KAZN: variants seen among roughly 807,000 people sequenced by gnomAD.
The protein encoded by KAZN is kazrin, periplakin interacting protein.
In KAZN, 40 loss-of-function variants were observed where a neutral mutation model predicts 87.4. The ratio of observed to expected loss-of-function variants is 0.46; its 90% CI spans 0.36 to 0.60. The LOEUF (loss-of-function observed/expected upper bound fraction) is 0.60, where lower values mean the gene tolerates loss of function less well. KAZN is among the 20% of genes least tolerant of loss of function. The pLI is 0.00. For missense variants in KAZN, 898 were observed against 1,073.9 expected, an observed-to-expected ratio of 0.84 and a Z score of 2.29; for synonymous variants, 466 against 458.3, an observed-to-expected ratio of 1.02 and a Z score of -0.22.
intron 2 of KAZN, among the ~76,000 whole-genome samples, chr1:14,265,676 C>A (rs1044582205): frequency 6.6e-6 from 1 of 152,120 alleles, no homozygotes; most frequent in African/African-American, 2.4e-5. Context: ...ATTTCACATG[C>A]CCCCACAGCA....
chr1:14,209,823 A>T (rs767147417), intron 2 of KAZN, among the ~76,000 whole-genome samples: 5 of 152,156 alleles, frequency 3.3e-5, no homozygotes, highest in African/African-American at 4.8e-5. Flanking sequence ...TGTGTCCCCA[A>T]TGATGACAAT....
intron 1 of KAZN, among the ~76,000 whole-genome samples, chr1:14,722,017 T>C (rs1234566199): frequency 6.6e-6 from 1 of 151,994 alleles, no homozygotes; most frequent in Non-Finnish European, 1.5e-5. Flanking sequence ...TAGCCAGGCA[T>C]GGTGGTGCAT....
chr1:14,691,486 T>C (rs552640686), intron 1 of KAZN, among the ~76,000 whole-genome samples: 6 of 152,168 alleles, frequency 3.9e-5, no homozygotes, highest in Non-Finnish European at 5.9e-5. Context: ...TCTTCATCTT[T>C]TTTTGTTTGT....
chr1:14,220,685 A>G (rs1647077117), intron 2 of KAZN, among the ~76,000 whole-genome samples: 1 of 152,158 alleles, frequency 6.6e-6, no homozygotes. Context: ...GAATATTAGA[A>G]TTAATGCAGC....
intron 1 of KAZN, among the ~76,000 whole-genome samples, chr1:14,754,205 T>TGGGAGAAA (rs1557454947): frequency 6.6e-6 from 1 of 152,232 alleles, no homozygotes; most frequent in East Asian, 1.9e-4. Context: ...CTGGGCTTTC[T>TGGGAGAAA]GCCCAGGGTG....
rs868339081 is a variant in KAZN at position 14,386,683 on chromosome 1, G to A, written c.249+206091G>A. Among the ~76,000 whole-genome samples the A allele has an allele frequency of 2.9e-3, 440 of 152,204 alleles. 1 individual carries two copies. The highest frequency in any genetic ancestry group is 9.4e-3 in the African/African-American group (391 of 41,514). Reference sequence around the variant, plus strand: ...TTGTAGAGTTTCTGCCGAGATATCCGCTGTTAGTCTGATGGGCTTCCCTTT... The same window carrying A: ...TTGTAGAGTTTCTGCCGAGATATCCACTGTTAGTCTGATGGGCTTCCCTTT... On this transcript the variant is annotated intron_variant, in intron 2 of 16. Transcript: ENST00000636203.
At chr1:14,733,412 G>A (rs1024703551) in intron 1 of KAZN, among the ~76,000 whole-genome samples, 1 of 152,128 alleles carries the variant, frequency 6.6e-6, no homozygotes, top group Non-Finnish European at 1.5e-5. Context: ...GTGCAATATT[G>A]ATTTGCAAAT....
At position 15,056,230 on chromosome 1, in the gene KAZN, G is replaced by A; in HGVS notation, c.866G>A (p.Ser289Asn). The change falls in exon 5 of 15, where the codon AGT becomes AAT. Residue 289 changes from serine to asparagine, a missense_variant. Physicochemically the swap from Ser to Asn is conservative, Grantham distance 46. Around this residue, in one of 3 missense-constraint regions of KAZN, gnomAD observed 521 missense variants for 689.4 expected, o/e 0.76. Transcript: ENST00000376030. This position sits in a 1 kb window ranked among gnomAD's most constrained non-coding sequence, Gnocchi z 5.4. The stretch of plus-strand genomic sequence containing the variant: ...CCGCTGACCGCAGCCATCCGGCAGA[G>A]TCAACAGACTCTCTACCACTCACAC... ...DLPLTAAIRQ[S>N]QQTLYHSHPP... 1 of 1,614,010 alleles carries A rather than the reference G, an allele frequency of 6.2e-7. No individual in the cohort carries two copies. The highest frequency in any genetic ancestry group is 8.5e-7 in the Non-Finnish European group (1 of 1,179,930).
intron 2 of KAZN, among the ~76,000 whole-genome samples, chr1:14,361,763 A>T (rs367929004): frequency 6.6e-6 from 1 of 152,318 alleles, no homozygotes; most frequent in East Asian, 1.9e-4. Flanking sequence ...CCTCAGTTGG[A>T]AATGCAGAAA....
At chr1:14,022,684 T>G (rs1557788237) in intron 1 of KAZN, among the ~76,000 whole-genome samples, 1 of 152,156 alleles carries the variant, frequency 6.6e-6, no homozygotes, top group Non-Finnish European at 1.5e-5. Context: ...ATTGATAATG[T>G]GAACACAGAG....
At chr1:14,546,131 A>G (rs1425341299) in intron 2 of KAZN, among the ~76,000 whole-genome samples, 1 of 152,204 alleles carries the variant, frequency 6.6e-6, no homozygotes, top group African/African-American at 2.4e-5. Flanking sequence ...CTGTGATTGA[A>G]ATCAGTTCTC....
At chr1:14,478,750 C>A (rs1474994350) in intron 2 of KAZN, among the ~76,000 whole-genome samples, 17 of 152,192 alleles carry the variant, frequency 1.1e-4, no homozygotes, top group Admixed American at 1.0e-3. Flanking sequence ...GTGCCCCATC[C>A]ACCAGCTGGC....
chr1:14,967,412 C>G (rs528832022), intron 2 of KAZN, among the ~76,000 whole-genome samples: 1 of 152,318 alleles, frequency 6.6e-6, no homozygotes, highest in Non-Finnish European at 1.5e-5. Context: ...CTTTCTGGAC[C>G]AGCTTCCCTG....
intron 7 of KAZN, 43 bp downstream of exon 7, chr1:15,063,665 C>T: frequency 6.8e-7 from 1 of 1,474,788 alleles, no homozygotes; most frequent in Non-Finnish European, 9.5e-7. Context: ...CCCTCCACCC[C>T]ACCTTGACTA....
chr1:14,669,288 G>A (rs1639768710), intron 1 of KAZN, among the ~76,000 whole-genome samples: 1 of 152,094 alleles, frequency 6.6e-6, no homozygotes, highest in Non-Finnish European at 1.5e-5. Context: ...TGAGTGCTCT[G>A]GGTTGCTATT....
chr1:14,009,766 A>G (rs1640202069), intron 1 of KAZN, among the ~76,000 whole-genome samples: 2 of 152,176 alleles, frequency 1.3e-5, no homozygotes, highest in African/African-American at 4.8e-5. Flanking sequence ...CATAAGCATT[A>G]TGTCTTCTGC....
chr1:14,350,233 G>A (rs1658438302), intron 2 of KAZN, among the ~76,000 whole-genome samples: 1 of 151,926 alleles, frequency 6.6e-6, no homozygotes, highest in African/African-American at 2.4e-5. Flanking sequence ...TGACCCCTGA[G>A]TCCACTTTGG....
chr1:14,114,949 C>A (rs1644582297), intron 1 of KAZN, among the ~76,000 whole-genome samples: 1 of 152,210 alleles, frequency 6.6e-6, no homozygotes, highest in South Asian at 2.1e-4. Flanking sequence ...TGGAGGTGCT[C>A]AGTCTCTGAC....
chr1:14,635,712 T>C (rs1431790117), intron 1 of KAZN, among the ~76,000 whole-genome samples: 1 of 152,206 alleles, frequency 6.6e-6, no homozygotes, highest in Non-Finnish European at 1.5e-5. Context: ...CTGTGTGTTG[T>C]AGCTGGTCTG....
Sources: gnomAD v4.1 joint callset for allele counts (sites outside exome capture counted in the v4.1 genomes callset) on GRCh38, gnomAD v4.1.1 for gene constraint, gnomAD v4.1.1 regional missense constraint, Gnocchi (gnomAD v3.1) non-coding constraint, MANE v1.5 for transcripts, NCBI Gene and HGNC (gene_info 2026-07-23, HGNC 2026-07-21) for gene names.